The following CENPP variants were observed in gnomAD, a reference collection of about 807,000 sequenced individuals.
CENPP encodes the protein centromere protein P.
A neutral mutation model predicts 35.6 loss-of-function variants in CENPP; 24 were observed. That is an observed-to-expected ratio of 0.67 (90% CI 0.49 to 0.95). CENPP has a LOEUF of 0.95. CENPP is among the 40% of genes least tolerant of loss of function. The pLI is 0.00. For missense variants in CENPP, 332 were observed against 345.3 expected, an observed-to-expected ratio of 0.96 and a Z score of 0.31; for synonymous variants, 120 against 125.5, an observed-to-expected ratio of 0.96 and a Z score of 0.29.
At chr9:92,362,894 C>T (rs183646511) in intron 4 of CENPP, among the ~76,000 whole-genome samples, 252 of 152,064 alleles carry the variant, frequency 1.7e-3, no homozygotes, top group Non-Finnish European at 2.7e-3. Context: ...TTTTTTCCAA[C>T]GATTTATAAT....
intron 4 of CENPP, among the ~76,000 whole-genome samples, chr9:92,349,431 G>T (rs1435296125): frequency 1.2e-4 from 18 of 148,576 alleles, no homozygotes; most frequent in Non-Finnish European, 5.9e-5. Context: ...TTGAGACGGA[G>T]TCTCGCCCTG....
chr9:92,398,337 G>T (rs1842976101), intron 5 of CENPP, among the ~76,000 whole-genome samples: 1 of 151,884 alleles, frequency 6.6e-6, no homozygotes, highest in South Asian at 2.1e-4. Context: ...ATACGTATTT[G>T]GTTTTTTGAC....
intron 5 of CENPP, among the ~76,000 whole-genome samples, chr9:92,543,650 T>C (rs977329814): frequency 2.6e-5 from 4 of 152,176 alleles, no homozygotes; most frequent in Non-Finnish European, 5.9e-5. Flanking sequence ...AGTATAGTCA[T>C]TCTAACAATA....
intron 5 of CENPP, among the ~76,000 whole-genome samples, chr9:92,409,672 T>C (rs913394937): frequency 1.4e-4 from 21 of 152,204 alleles, no homozygotes; most frequent in African/African-American, 4.8e-4. Context: ...ATTAAATGGG[T>C]TTATGGTGCA....
chr9:92,579,475 G>A (rs1289123831), intron 5 of CENPP, among the ~76,000 whole-genome samples: 4,536 of 149,712 alleles, frequency 0.03, 86 homozygotes, highest in South Asian at 0.054. Flanking sequence ...CTTTTATTTC[G>A]TTGAGCAGTG....
chr9:92,349,204 G>T (rs895820940), intron 4 of CENPP, among the ~76,000 whole-genome samples: 1 of 152,092 alleles, frequency 6.6e-6, no homozygotes, highest in Non-Finnish European at 1.5e-5. Flanking sequence ...CAACTTCGCA[G>T]AGTCTTTCCT....
In CENPP at chr9:92,593,617, A is replaced by G. The variant is rs1850711891; in HGVS notation, c.565-17697A>G. 6.6e-6 allele frequency among the ~76,000 whole-genome samples: 1 copy of G among 152,210 alleles called. No individual in the cohort carries two copies. The highest frequency in any genetic ancestry group is 1.5e-5 in the Non-Finnish European group (1 of 68,038). On this transcript the variant is annotated intron_variant, in intron 5 of 7. Coordinates refer to ENST00000375587, the MANE Select transcript of CENPP (RefSeq NM_001012267.3). This position sits in a 1 kb window ranked among gnomAD's most constrained non-coding sequence, Gnocchi z 4.1. ...TCTTCTGTTATCTGTTTTGAGTTTTAAGTCAAGCCCATAATAAGCTGGTTC... is the reference window on the plus strand; with the variant it reads ...TCTTCTGTTATCTGTTTTGAGTTTTGAGTCAAGCCCATAATAAGCTGGTTC...
chr9:92,457,171 C>G, intron 5 of CENPP: 2 of 1,438,772 alleles, frequency 1.4e-6, no homozygotes, highest in Non-Finnish European at 1.8e-6. Flanking sequence ...GGACTTACCA[C>G]TTGAGAATAG....
At chr9:92,327,940 C>G (rs1588026323) in intron 1 of CENPP, among the ~76,000 whole-genome samples, 1 of 152,152 alleles carries the variant, frequency 6.6e-6, no homozygotes, top group Admixed American at 6.5e-5. Context: ...TTCTGCAACT[C>G]TTACGATCTC....
intron 4 of CENPP, among the ~76,000 whole-genome samples, chr9:92,368,573 T>A (rs1426745980): frequency 6.6e-6 from 1 of 152,174 alleles, no homozygotes; most frequent in Non-Finnish European, 1.5e-5. Context: ...GCAGTCCCAA[T>A]GAGTTCATCG....
At chr9:92,592,140 A>G (rs1298897867) in intron 5 of CENPP, among the ~76,000 whole-genome samples, 1 of 152,164 alleles carries the variant, frequency 6.6e-6, no homozygotes, top group Non-Finnish European at 1.5e-5. Context: ...TATATACATT[A>G]TATAAATGTA....
chr9:92,400,767 G>A (rs866895514), intron 5 of CENPP, among the ~76,000 whole-genome samples: 4 of 152,110 alleles, frequency 2.6e-5, no homozygotes, highest in East Asian at 1.9e-4. Flanking sequence ...TATATTTACC[G>A]TATACTGAGG....
At chr9:92,588,975 C>T (rs781055868) in intron 5 of CENPP, among the ~76,000 whole-genome samples, 34 of 152,162 alleles carry the variant, frequency 2.2e-4, no homozygotes, top group South Asian at 8.3e-4. Context: ...TTTAAGGGGA[C>T]AAATATAGCT....
chr9:92,577,371 T>A (rs1413680133), intron 5 of CENPP, among the ~76,000 whole-genome samples: 1 of 152,026 alleles, frequency 6.6e-6, no homozygotes, highest in East Asian at 1.9e-4. Context: ...AAATATTAGC[T>A]GGGCATGGTG....
At chr9:92,538,160 T>C (rs970056935) in intron 5 of CENPP, among the ~76,000 whole-genome samples, 1 of 152,128 alleles carries the variant, frequency 6.6e-6, no homozygotes, top group East Asian at 1.9e-4. Flanking sequence ...ACTGTAACCA[T>C]GGATTAGAAA....
chr9:92,417,282 T>A (rs749001249), intron 5 of CENPP: 2 of 1,614,118 alleles, frequency 1.2e-6, no homozygotes. Context: ...AGTTGCTGAA[T>A]GTGCATCGGA....
chr9:92,596,464 A>G (rs1850785010), intron 5 of CENPP, among the ~76,000 whole-genome samples: 1 of 151,132 alleles, frequency 6.6e-6, no homozygotes, highest in Admixed American at 6.6e-5. Context: ...AAAAAAAAAA[A>G]AAAAAAGAAA....
chr9:92,615,992 TC>T lies in CENPP; in HGVS notation c.*2845del. 1 of 1,614,104 alleles carries T rather than the reference TC, an allele frequency of 6.2e-7. No homozygotes were observed. Among genetic ancestry groups the T allele is most frequent in the Non-Finnish European group, 8.5e-7 (1 of 1,180,024 alleles). On this transcript the variant is annotated 3_prime_UTR_variant, in exon 8 of 8. Transcript: ENST00000375587. Reference sequence around the variant, plus strand: ...GCTCTCGTAGGGCTTGAGGTCAAGGTCCAGCACAGACACGGAAAAGGCAAAC... The same window carrying T: ...GCTCTCGTAGGGCTTGAGGTCAAGGTCAGCACAGACACGGAAAAGGCAAAC...
chr9:92,503,220 G>T (rs1287650933), intron 5 of CENPP, among the ~76,000 whole-genome samples: 1 of 152,016 alleles, frequency 6.6e-6, no homozygotes, highest in Non-Finnish European at 1.5e-5. Flanking sequence ...ATTATACAAG[G>T]CTCTCTATTT....
Sources: allele counts gnomAD v4.1 joint callset (sites outside exome capture counted in the v4.1 genomes callset), GRCh38; gene constraint gnomAD v4.1.1; non-coding constraint Gnocchi (gnomAD v3.1); transcripts MANE v1.5; gene names NCBI Gene and HGNC (gene_info 2026-07-23, HGNC 2026-07-21).